MUC12: variants seen among roughly 807,000 people sequenced by gnomAD.
MUC12 encodes mucin-12.
In MUC12, 172 loss-of-function variants were observed where a neutral mutation model predicts 230.8. The ratio of observed to expected loss-of-function variants is 0.75; its 90% CI spans 0.66 to 0.85. The LOEUF is 0.85. Ranked by LOEUF, MUC12 falls within the 40% of genes least tolerant of loss-of-function variation. The probability of loss-of-function intolerance (pLI) is 0.00; values close to 1 mark genes in which losing one functional copy is unlikely to be tolerated. For missense variants in MUC12, 3,506 were observed against 5,920.6 expected (o/e 0.59, Z 13.38); for synonymous variants, 1,259 against 2,401.9 (o/e 0.52, Z 13.91).
In MUC12 at chr7:101,012,494, C is replaced by T. The variant is rs367772791; in HGVS notation, c.15403+47C>T. On this transcript the variant is annotated intron_variant, in intron 6 of 11. Coordinates refer to ENST00000536621, the MANE Select transcript of MUC12 (RefSeq NM_001164462.2). The stretch of plus-strand genomic sequence containing the variant: ...TGACACCTGTGGGTGTCTTGGAGAT[C>T]GTGACCTTGACCTCTCCCTCCTCTA... 154 of 1,519,464 alleles carry T rather than the reference C, an allele frequency of 1.0e-4. No individual in the cohort carries two copies. The African/African-American group carries it at 1.7e-3, about 17-fold the overall frequency. The allele number at this position is 1,519,464 out of a possible 1,614,324, so 94.1% of individuals were successfully genotyped here. A position where few individuals can be genotyped will look rare whatever the true frequency, so the allele number is the denominator to read the frequency against.
In MUC12 at chr7:100,991,016, C is replaced by T. The variant is rs1389243645; in HGVS notation, c.453C>T (p.Leu151=). ...GCCCCAGATCACCAGACAGAACACT[C>T]TCACCTGCCCGCACGACAAGCTCAG... The part of the protein sequence containing the change: ...YSSPRSPDRT[L]SPARTTSSGV... The change falls in exon 2 of 12, where the codon CTC becomes CTT. Residue 151 remains leucine, a synonymous_variant. Transcript: ENST00000536621. 5.2e-6 allele frequency: 8 copies of T among 1,537,792 alleles called. No individual in the cohort carries two copies. The highest frequency in any genetic ancestry group is 6.1e-6 in the Non-Finnish European group (7 of 1,147,076).
In MUC12 at chr7:101,004,393, C is replaced by A. The variant is rs1419645050; in HGVS notation, c.13830C>A (p.Gly4610=). ...EESTAYHSSP[G]STQTMHFPES... ...CTACGGCGTACCACAGCAGCCCGGG[C>A]TCAACTCAAACAATGCACTTCCCTG... Residue 4610 remains glycine, a synonymous_variant, in exon 2 of 12, where the codon GGC becomes GGA. Coordinates refer to ENST00000536621, the MANE Select transcript of MUC12 (RefSeq NM_001164462.2). 6.7e-7 allele frequency: 1 copy of A among 1,491,540 alleles called. No homozygotes were observed. Among genetic ancestry groups the A allele is most frequent in the South Asian group, 1.2e-5 (1 of 81,746 alleles). 92.4% of individuals were successfully genotyped at this position (1,491,540 alleles called of 1,614,324 possible).
chr7:101,018,769 C>A lies in MUC12; in HGVS notation c.*133C>A. On this transcript the variant is annotated 3_prime_UTR_variant, in exon 12 of 12. Transcript: ENST00000536621. The stretch of plus-strand genomic sequence containing the variant: ...TGAAGCCGGTCCTGCTCTGAGCTGA[C>A]AGACTTGGCCAGTCCCCTGCCTGTG... 1.2e-6 allele frequency: 1 copy of A among 846,210 alleles called. No homozygotes were observed. The highest frequency in any genetic ancestry group is 1.7e-6 in the Non-Finnish European group (1 of 576,190). 52.4% of individuals were successfully genotyped at this position (846,210 alleles called of 1,614,324 possible).
intron 1 of MUC12, among the ~76,000 whole-genome samples, chr7:100,989,048 A>AT (rs1391388019): frequency 2.1e-5 from 3 of 143,756 alleles, no homozygotes; most frequent in Non-Finnish European, 4.6e-5. Flanking sequence ...CCATTAAACC[A>AT]TTTTTTCTGT....
chr7:101,008,817 T>TG, intron 4 of MUC12, 56 bp downstream of exon 4: 4 of 1,503,932 alleles, frequency 2.7e-6, no homozygotes, highest in South Asian at 1.3e-5. Flanking sequence ...GAGAGGAAAT[T>TG]GGGGGGTGCA....
At chr7:101,008,609 C>A (rs754027524) in intron 3 of MUC12, 25 bp from the exon 4 acceptor site, 1 of 1,534,640 alleles carries the variant, frequency 6.5e-7, no homozygotes, top group Admixed American at 2.0e-5. Context: ...CGCTGTCTCA[C>A]GCATACCATG....
intron 1 of MUC12, among the ~76,000 whole-genome samples, chr7:100,973,373 G>A (rs754821594): frequency 4.1e-4 from 56 of 135,108 alleles, no homozygotes; most frequent in Non-Finnish European, 6.9e-4. Flanking sequence ...GGGTGATGGT[G>A]AAATTTCTGA....
rs936393354 is a variant in MUC12, at chr7:100,981,499, C to T, written c.68-9132C>T. On this transcript the variant is annotated intron_variant, in intron 1 of 11. Coordinates refer to ENST00000536621, the MANE Select transcript of MUC12 (RefSeq NM_001164462.2). The stretch of plus-strand genomic sequence containing the variant: ...GGCTGCAGGAGCCAGAGAGAAGGAG[C>T]GTCAGGAGGTGAGGGTGTCCTAGGA... The T allele has an allele frequency of 1.8e-5, 9 of 486,820 alleles. No homozygotes were observed. In the Admixed American group the frequency reaches 2.0e-4, roughly 11 times the overall value. The allele number at this position is 486,820 out of a possible 1,614,324, so 30.2% of individuals were successfully genotyped here. A position where few individuals can be genotyped will look rare whatever the true frequency, so the allele number is the denominator to read the frequency against.
chr7:101,007,155 C>T (rs1793767041), intron 3 of MUC12, among the ~76,000 whole-genome samples: 1 of 152,104 alleles, frequency 6.6e-6, no homozygotes, highest in Non-Finnish European at 1.5e-5. Flanking sequence ...GACGGAGTTT[C>T]ACCATATTGG....
rs1278247590 is a variant in MUC12, at chr7:100,992,437, C to G, written c.1874C>G (p.Thr625Arg). 2 of 1,537,976 alleles carry G rather than the reference C, an allele frequency of 1.3e-6. No individual in the cohort carries two copies. Among genetic ancestry groups the G allele is most frequent in the Non-Finnish European group, 1.7e-6 (2 of 1,147,062 alleles). Residue 625 changes from threonine (T) to arginine (R), a missense_variant, in exon 2 of 12, where the codon ACA (threonine) becomes AGA (arginine). By Grantham distance (71) the Thr-to-Arg change is moderately conservative. Coordinates refer to ENST00000536621, the MANE Select transcript of MUC12 (RefSeq NM_001164462.2). Reference protein sequence around the residue: ...PHTTLSPAGSTTRQGESTTFH... With the variant: ...PHTTLSPAGSRTRQGESTTFH... ...ACAACACTGTCCCCTGCCGGCTCTA[C>G]AACCCGTCAGGGAGAATCTACCACA...
intron 2 of MUC12, 90 bp downstream of exon 2, chr7:101,005,609 T>G (rs1793734926): frequency 7.2e-7 from 1 of 1,396,276 alleles, no homozygotes; most frequent in South Asian, 1.5e-5. Context: ...TCTTGGTTCT[T>G]TTCCTCTGTC....
intron 9 of MUC12, chr7:101,014,480 C>CTT: frequency 2.7e-5 from 4 of 150,198 alleles, no homozygotes; most frequent in East Asian, 1.9e-4. Flanking sequence ...GCTGAACTCA[C>CTT]TTTTTTTTTT....
rs1252394752 is a variant in MUC12, at chr7:101,006,500, G to A, written c.14986G>A (p.Gly4996Arg). 1 of 1,537,102 alleles carries A rather than the reference G, an allele frequency of 6.5e-7. No homozygotes were observed. Among genetic ancestry groups the A allele is most frequent in the Admixed American group, 2.0e-5 (1 of 50,972 alleles). The change falls in exon 3 of 12, where the codon GGA becomes AGA. Residue 4996 changes from glycine to arginine, a missense_variant. By Grantham distance (125) the Gly-to-Arg change is moderately radical. Coordinates refer to ENST00000536621, the MANE Select transcript of MUC12 (RefSeq NM_001164462.2). ...GLCQEGQIWN[G>R]KQCVCPQGYV... is the part of the protein sequence containing the mutation. ...GTGCCAGGAAGGACAAATTTGGAAT[G>A]GAAAACAATGCGTCTGTCCCCAAGG...
At chr7:101,007,266 T>C (rs1202716595) in intron 3 of MUC12, among the ~76,000 whole-genome samples, 1 of 152,198 alleles carries the variant, frequency 6.6e-6, no homozygotes, top group Non-Finnish European at 1.5e-5. Context: ...GCTATTTTAG[T>C]TGTTTTTAAA....
At position 101,011,369 on chromosome 7, in the gene MUC12, C is replaced by G. The variant is rs183717775; in HGVS notation, c.15252-927C>G. Among the ~76,000 whole-genome samples, 9 of 152,286 alleles carry G rather than the reference C, an allele frequency of 5.9e-5. No homozygotes were observed. In the East Asian group the frequency reaches 1.5e-3, roughly 26 times the overall value. On this transcript the variant is annotated intron_variant, in intron 5 of 11. Transcript: ENST00000536621. ...TGCCTTGTCTCAAGATCTCTCCCCC[C>G]AGCTGCATCATTGGCTATTGAAGGA... is the stretch of plus-strand genomic sequence containing the variant.
At position 100,995,671 on chromosome 7, in the gene MUC12, C is replaced by T. The variant is rs748217991; in HGVS notation, c.5108C>T (p.Pro1703Leu). The change falls in exon 2 of 12, where the codon CCT becomes CTT. Residue 1703 changes from proline (P) to leucine (L), a missense_variant. Physicochemically the swap from Pro to Leu is moderately conservative, Grantham distance 98. Transcript: ENST00000536621. ...TCAAAGGACACTATGCCTGCACCTC[C>T]TACTACCACATCAGCCTTTGTTGAG... is the stretch of plus-strand genomic sequence containing the variant. ...PSSKDTMPAPPTTTSAFVELS... is the reference protein window; with the variant it reads ...PSSKDTMPAPLTTTSAFVELS... 1.7e-5 allele frequency: 26 copies of T among 1,537,216 alleles called. No homozygotes were observed. Among genetic ancestry groups the T allele is most frequent in the Middle Eastern group, 1.7e-4 (1 of 5,990 alleles).
chr7:100,982,677 C>T (rs891935370), intron 1 of MUC12, among the ~76,000 whole-genome samples: 1 of 151,986 alleles, frequency 6.6e-6, no homozygotes, highest in East Asian at 1.9e-4. Context: ...AGTCCTCCCC[C>T]CTTGGCCTCC....
At chr7:100,971,799 A>G (rs2116251534) in intron 1 of MUC12, among the ~76,000 whole-genome samples, 1 of 152,428 alleles carries the variant, frequency 6.6e-6, no homozygotes, top group East Asian at 1.9e-4. Context: ...CTGTAGTCAG[A>G]TTATTCAAGG....
At chr7:101,013,303 C>T (rs985516739) in intron 8 of MUC12, among the ~76,000 whole-genome samples, 161 bp downstream of exon 8, 3 of 152,322 alleles carry the variant, frequency 2.0e-5, no homozygotes, top group South Asian at 4.1e-4. Context: ...TCCCACCCCC[C>T]ACACCCACAA....
Sources: allele counts gnomAD v4.1 joint callset (sites outside exome capture counted in the v4.1 genomes callset), GRCh38; gene constraint gnomAD v4.1.1; transcripts MANE v1.5; gene names NCBI Gene and HGNC (gene_info 2026-07-23, HGNC 2026-07-21).